Variants in KIAA0586 observed in about 807,000 individuals in gnomAD.
KIAA0586 encodes the protein KIAA0586, also known as protein TALPID3.
In KIAA0586, 144 loss-of-function variants were observed where a neutral mutation model predicts 169.8. That is an observed-to-expected ratio of 0.85 (90% CI 0.74 to 0.97). The LOEUF (loss-of-function observed/expected upper bound fraction) is 0.97. KIAA0586 is among the 50% of genes least tolerant of loss of function. The pLI, the probability that KIAA0586 is intolerant of heterozygous loss-of-function variation, is 0.00. For missense variants in KIAA0586, 1,854 were observed against 1,823.0 expected, an observed-to-expected ratio of 1.02 and a Z score of -0.31; for synonymous variants, 625 against 612.4, an observed-to-expected ratio of 1.02 and a Z score of -0.30.
intron 21 of KIAA0586, among the ~76,000 whole-genome samples, chr14:58,484,900 A>ATATTTATATATATATT (rs1555391503): frequency 2.9e-3 from 27 of 9,166 alleles, no homozygotes; most frequent in Non-Finnish European, 4.1e-3. Flanking sequence ...TTATATATAT[A>ATATTTATATATATATT]TATATATATA....
intron 6 of KIAA0586, among the ~76,000 whole-genome samples, chr14:58,447,441 ATATTTTATTT>A (rs142310844): frequency 7.7e-6 from 1 of 130,600 alleles, no homozygotes; most frequent in African/African-American, 2.9e-5. Context: ...CTCATTTCAG[ATATTTTATTT>A]TATTTTATTT....
chr14:58,538,483 C>T lies in KIAA0586; in HGVS notation c.4430-1588C>T, dbSNP rs180915423. Among the ~76,000 whole-genome samples, 500 of 151,784 alleles carry T rather than the reference C, an allele frequency of 3.3e-3. 7 individuals are homozygous for T. The highest frequency in any genetic ancestry group is 0.011 in the African/African-American group (472 of 41,400). ...AGTACACAGTAGGTATATGTATTTA[C>T]GGGTTACATGAGATATTTTGATACA... On this transcript the variant is annotated intron_variant, in intron 29 of 30. Transcript: ENST00000652326.
chr14:58,436,287 C>T (rs183119028), intron 4 of KIAA0586, among the ~76,000 whole-genome samples: 50 of 151,798 alleles, frequency 3.3e-4, no homozygotes, highest in Middle Eastern at 3.4e-3. Flanking sequence ...AGGAAGGTGA[C>T]CAGATACTCA....
rs1332381588 is a variant in KIAA0586, at chr14:58,467,821, C to T, written c.2341C>T (p.Pro781Ser). 9 of 1,613,304 alleles carry T rather than the reference C, an allele frequency of 5.6e-6. No homozygotes were observed. Among genetic ancestry groups the T allele is most frequent in the African/African-American group, 1.3e-5 (1 of 74,860 alleles). ...CCCTGTAACTGTGACTACTTCTATT[C>T]CTCCATCATCTCGAAAAGTAGAAAC... The part of the protein sequence containing the change: ...PHPVTVTTSI[P>S]PSSRKVETGV... Residue 781 changes from proline to serine, a missense_variant, in exon 16 of 31, where the codon CCT becomes TCT. Pro to Ser is a moderately conservative substitution (Grantham distance 74). Transcript: ENST00000652326.
intron 12 of KIAA0586, among the ~76,000 whole-genome samples, chr14:58,459,481 A>T (rs2040152316): frequency 6.6e-6 from 1 of 152,154 alleles, no homozygotes; most frequent in South Asian, 2.1e-4. Context: ...TTGTTACAAA[A>T]GTGTTTGCTT....
At chr14:58,494,695 G>A (rs1350833083) in intron 26 of KIAA0586, among the ~76,000 whole-genome samples, 2 of 152,130 alleles carry the variant, frequency 1.3e-5, no homozygotes, top group Non-Finnish European at 2.9e-5. Flanking sequence ...AAGCCCTTAG[G>A]AAGACGTTGC....
chr14:58,549,105 A>G lies in KIAA0586; in HGVS notation c.*1173A>G, dbSNP rs1375415570. On this transcript the variant is annotated 3_prime_UTR_variant, in exon 31 of 31. Transcript: ENST00000652326. Reference sequence around the variant, plus strand: ...AAGCACATGAAAAGAAAGGCAGCCTAGCACTAGTGAAAAAAATTTACCTCC... The same window carrying G: ...AAGCACATGAAAAGAAAGGCAGCCTGGCACTAGTGAAAAAAATTTACCTCC... 1 of 152,158 alleles carries G rather than the reference A, an allele frequency of 6.6e-6. No individual in the cohort carries two copies. The highest frequency in any genetic ancestry group is 1.5e-5 in the Non-Finnish European group (1 of 68,024). The allele number at this position is 152,158 out of a possible 1,614,324, so 9.4% of individuals were successfully genotyped here.
chr14:58,531,200 A>G (rs1434964072), intron 29 of KIAA0586, among the ~76,000 whole-genome samples: 2 of 151,394 alleles, frequency 1.3e-5, no homozygotes, highest in East Asian at 1.9e-4. Flanking sequence ...GGTGGTGGGC[A>G]CCTGTAGTCC....
In KIAA0586 at chr14:58,488,795, C is replaced by A; in HGVS notation, c.3702C>A (p.Val1234=). 6.2e-7 allele frequency: 1 copy of A among 1,613,832 alleles called. No homozygotes were observed. The highest frequency in any genetic ancestry group is 8.5e-7 in the Non-Finnish European group (1 of 1,179,804). Residue 1234 remains valine, a synonymous_variant, in exon 24 of 31, where the codon GTC becomes GTA. Transcript: ENST00000652326. ...STLESTLSVT[V]TETETLDKPI... Reference sequence around the variant, plus strand: ...TGGAGAGCACATTGAGTGTTACTGTCACTGAAACTGAAACTTTAGATAAAC... The same window carrying A: ...TGGAGAGCACATTGAGTGTTACTGTAACTGAAACTGAAACTTTAGATAAAC...
intron 29 of KIAA0586, among the ~76,000 whole-genome samples, chr14:58,525,071 T>C (rs1280836757): frequency 2.6e-5 from 4 of 152,164 alleles, no homozygotes; most frequent in Non-Finnish European, 5.9e-5. Flanking sequence ...ATACTCATGT[T>C]ATAATCAGCT....
chr14:58,467,627 A>T, intron 15 of KIAA0586, 108 bp from the exon 16 acceptor site: 1 of 774,662 alleles, frequency 1.3e-6, no homozygotes, highest in Non-Finnish European at 2.1e-6. Flanking sequence ...ATTGTCAGAT[A>T]GGGCTTTTTT....
At chr14:58,542,358 T>A (rs997233076) in intron 30 of KIAA0586, among the ~76,000 whole-genome samples, 3 of 151,828 alleles carry the variant, frequency 2.0e-5, no homozygotes, top group African/African-American at 7.3e-5. Context: ...ACGCCAGTAA[T>A]CCAAGCTACT....
chr14:58,514,647 T>C (rs753834139), intron 29 of KIAA0586, among the ~76,000 whole-genome samples: 2 of 151,966 alleles, frequency 1.3e-5, no homozygotes, highest in Non-Finnish European at 2.9e-5. Context: ...CCTTGATTAT[T>C]ACTTTCAGAT....
chr14:58,507,793 T>C (rs1412953587), intron 27 of KIAA0586, among the ~76,000 whole-genome samples: 4 of 152,008 alleles, frequency 2.6e-5, no homozygotes, highest in African/African-American at 9.7e-5. Flanking sequence ...TTTATTTATT[T>C]ATTTATTTAG....
At chr14:58,552,618 C>A (rs1034340236), downstream of KIAA0586, among the ~76,000 whole-genome samples, 1 of 152,182 alleles carries the variant, frequency 6.6e-6, no homozygotes, top group South Asian at 2.1e-4. Flanking sequence ...AACCCTCAAG[C>A]AGTTCAGTAC....
intron 27 of KIAA0586, among the ~76,000 whole-genome samples, chr14:58,506,934 C>T (rs947689733): frequency 2.6e-5 from 4 of 151,698 alleles, no homozygotes; most frequent in African/African-American, 7.3e-5. Context: ...ATCACTTTAG[C>T]CCAGGGGTTT....
At chr14:58,522,590 G>A in intron 29 of KIAA0586, among the ~76,000 whole-genome samples, 1 of 152,174 alleles carries the variant, frequency 6.6e-6, no homozygotes, top group Admixed American at 6.5e-5. Context: ...TTTGTGAACA[G>A]CCTGATGTTT....
intron 20 of KIAA0586, among the ~76,000 whole-genome samples, chr14:58,480,733 T>C (rs191692240): frequency 1.3e-5 from 2 of 152,338 alleles, no homozygotes; most frequent in Admixed American, 1.3e-4. Context: ...CCCAGCTTCA[T>C]AGAGTTTATT....
chr14:58,506,794 T>C (rs1414912510), intron 27 of KIAA0586, among the ~76,000 whole-genome samples: 1 of 152,098 alleles, frequency 6.6e-6, no homozygotes, highest in African/African-American at 2.4e-5. Flanking sequence ...TTGCTATATC[T>C]AGGAAATTGT....
Sources: allele counts gnomAD v4.1 joint callset (sites outside exome capture counted in the v4.1 genomes callset), GRCh38; gene constraint gnomAD v4.1.1; transcripts MANE v1.5; gene names NCBI Gene and HGNC (gene_info 2026-07-23, HGNC 2026-07-21).